BEAN1: variants seen among roughly 807,000 people sequenced by gnomAD.
BEAN1 encodes the protein brain expressed associated with NEDD4 1.
BEAN1 carries 17 observed loss-of-function variants against 17.7 expected under a neutral mutation model. That is an observed-to-expected ratio of 0.96 (90% CI 0.66 to 1.44). The LOEUF (loss-of-function observed/expected upper bound fraction) is 1.44, where lower values mean the gene tolerates loss of function less well. BEAN1 is among the 40% of genes most tolerant of loss of function. The pLI is 0.00. For synonymous variants in BEAN1, 142 were observed against 151.8 expected (o/e 0.94, Z 0.47); for missense variants, 359 against 374.1 (o/e 0.96, Z 0.33).
At chr16:66,486,166 A>G (rs567883882), downstream of BEAN1, among the ~76,000 whole-genome samples, 2 of 152,336 alleles carry the variant, frequency 1.3e-5, no homozygotes, top group South Asian at 2.1e-4. Context: ...AAACTGGCCC[A>G]GACATGTCCT....
Position 66,482,351 on chromosome 16 carries a change from T to C in BEAN1, c.*1426T>C, listed in dbSNP as rs187326326. ...ATGAAGGGCTAAGACTATTTAGTAA[T>C]CTCTTTCTTAAGCAGAGGAGTGGCA... On this transcript the variant is annotated 3_prime_UTR_variant, in exon 5 of 5. Coordinates refer to ENST00000536005, the MANE Select transcript of BEAN1 (RefSeq NM_001178020.3). 26 of 157,550 alleles carry C rather than the reference T, an allele frequency of 1.7e-4. No individual in the cohort carries two copies. Among genetic ancestry groups the C allele is most frequent in the Admixed American group, 7.4e-4 (12 of 16,248 alleles). The allele number at this position is 157,550 out of a possible 1,614,324, so 9.8% of individuals were successfully genotyped here.
intron 2 of BEAN1, among the ~76,000 whole-genome samples, chr16:66,461,748 C>T (rs577885090): frequency 1.3e-5 from 2 of 152,306 alleles, no homozygotes; most frequent in South Asian, 2.1e-4. Flanking sequence ...TCCAGAGCCC[C>T]ATCGGGGACA....
downstream of BEAN1, chr16:66,485,256 C>T: frequency 1.6e-5 from 6 of 376,922 alleles, no homozygotes; most frequent in Non-Finnish European, 3.2e-5. Flanking sequence ...CCCTCAGCTC[C>T]ACCTCCTGTG....
chr16:66,460,697 A>G (rs1288268504), intron 2 of BEAN1, among the ~76,000 whole-genome samples: 1 of 152,228 alleles, frequency 6.6e-6, no homozygotes, highest in Admixed American at 6.5e-5. Flanking sequence ...GAAGCAAAAC[A>G]TCATTTTGGG....
At chr16:66,484,406 T>C (rs1964055820), downstream of BEAN1, 1 of 357,900 alleles carries the variant, frequency 2.8e-6, no homozygotes, top group South Asian at 2.1e-5. The surrounding 1 kb of genome is among the most constrained non-coding windows in gnomAD (Gnocchi z 4.2). Flanking sequence ...TGGCTTTTCC[T>C]GCTCCTCCAT....
exon 5 of BEAN1, chr16:66,493,321 G>A (rs1964203180): frequency 1.4e-6 from 1 of 696,854 alleles, no homozygotes; most frequent in Non-Finnish European, 2.6e-6. Flanking sequence ...CAGAAGGGGT[G>A]GGGTCCGAGA....
Position 66,434,327 on chromosome 16 carries a change from AG to A in BEAN1, c.-82-3266del, listed in dbSNP as rs1338333771. On this transcript the variant is annotated intron_variant, in intron 1 of 4. Coordinates refer to ENST00000536005, the MANE Select transcript of BEAN1 (RefSeq NM_001178020.3). This position sits in a 1 kb window ranked among gnomAD's most constrained non-coding sequence, Gnocchi z 4.3. ...TTCAGTCACATGCGTGCGGGACACC[AG>A]GATGGGCACTTGCTTACCTGGAGCC... Among the ~76,000 whole-genome samples the A allele has an allele frequency of 8.0e-5, 12 of 150,502 alleles. No homozygotes were observed. Among genetic ancestry groups the A allele is most frequent in the Admixed American group, 8.0e-4 (12 of 15,094 alleles).
downstream of BEAN1, chr16:66,484,560 A>T (rs1395801678): frequency 4.4e-6 from 2 of 453,740 alleles, no homozygotes; most frequent in East Asian, 1.4e-4. The surrounding 1 kb of genome is among the most constrained non-coding windows in gnomAD (Gnocchi z 4.2). Flanking sequence ...GCCCAAGGAG[A>T]TGGAAGGTGA....
intron 2 of BEAN1, among the ~76,000 whole-genome samples, chr16:66,441,160 T>TG (rs773325269): frequency 1.3e-5 from 2 of 152,196 alleles, no homozygotes; most frequent in Non-Finnish European, 2.9e-5. Flanking sequence ...CCGTGCTCAG[T>TG]GCCTGGCACA....
intron 4 of BEAN1, among the ~76,000 whole-genome samples, chr16:66,491,734 C>T (rs952407259): frequency 1.3e-5 from 2 of 152,176 alleles, no homozygotes; most frequent in African/African-American, 4.8e-5. Flanking sequence ...AGCACGCAAC[C>T]TAGATCCCTC....
intron 2 of BEAN1, 23 bp downstream of exon 2, chr16:66,437,724 T>C (rs928821856): frequency 1.3e-6 from 2 of 1,532,324 alleles, no homozygotes; most frequent in Non-Finnish European, 1.7e-6. Context: ...CCCACATCCT[T>C]CCACCACTTG....
At chr16:66,468,848 T>C (rs140426987) in intron 2 of BEAN1, among the ~76,000 whole-genome samples, 143 of 152,188 alleles carry the variant, frequency 9.4e-4, no homozygotes, top group Admixed American at 2.7e-3. Flanking sequence ...GAGGACTAAG[T>C]CACCCGTCCC....
At position 66,481,332 on chromosome 16, in the gene BEAN1, C is replaced by A; in HGVS notation, c.*407C>A. On this transcript the variant is annotated 3_prime_UTR_variant, in exon 5 of 5. Coordinates refer to ENST00000536005, the MANE Select transcript of BEAN1 (RefSeq NM_001178020.3). The surrounding 1 kb of genome is among the most constrained non-coding windows in gnomAD (Gnocchi z 4.1). Reference sequence around the variant, plus strand: ...GCCCCTACCCTCGCCCAGCAAGCTGCGCCCAAATTCTATTCTGCCTCTGGA... The same window carrying A: ...GCCCCTACCCTCGCCCAGCAAGCTGAGCCCAAATTCTATTCTGCCTCTGGA... The A allele has an allele frequency of 2.5e-6, 1 of 399,290 alleles. No homozygotes were observed. Among genetic ancestry groups the A allele is most frequent in the Non-Finnish European group, 4.4e-6 (1 of 226,650 alleles). 24.7% of individuals were successfully genotyped at this position (399,290 alleles called of 1,614,324 possible).
At chr16:66,440,536 T>C (rs187324842) in intron 2 of BEAN1, among the ~76,000 whole-genome samples, 1 of 152,146 alleles carries the variant, frequency 6.6e-6, no homozygotes, top group Non-Finnish European at 1.5e-5. Context: ...TGACCTTCCA[T>C]TCGTGGTCTC....
In BEAN1 at chr16:66,469,937, G is replaced by A. The variant is rs1190027692; in HGVS notation, c.289+72G>A. 3 of 1,492,802 alleles carry A rather than the reference G, an allele frequency of 2.0e-6. No homozygotes were observed. The African/African-American group carries it at 4.2e-5, about 21-fold the overall frequency. The allele number at this position is 1,492,802 out of a possible 1,614,324, so 92.5% of individuals were successfully genotyped here. A position where few individuals can be genotyped will look rare whatever the true frequency, so the allele number is the denominator to read the frequency against. On this transcript the variant is annotated intron_variant, in intron 3 of 4. Transcript: ENST00000536005. ...ATTGCAACACAGGAGGCATCAAGGA[G>A]TTGGCAACTCTGCCCTGGGTGGAGC... is the stretch of plus-strand genomic sequence containing the variant.
At chr16:66,452,805 A>C (rs1380955704) in intron 2 of BEAN1, among the ~76,000 whole-genome samples, 3 of 152,160 alleles carry the variant, frequency 2.0e-5, no homozygotes, top group Middle Eastern at 3.2e-3. Context: ...CCAATGCCCA[A>C]CTGTACGGCC....
At chr16:66,464,311 GT>G (rs1481990914) in intron 2 of BEAN1, among the ~76,000 whole-genome samples, 1 of 151,688 alleles carries the variant, frequency 6.6e-6, no homozygotes, top group Non-Finnish European at 1.5e-5. Context: ...TTTTGAAAAT[GT>G]TTTGGAGTTT....
intron 1 of BEAN1, among the ~76,000 whole-genome samples, chr16:66,436,971 C>T (rs1469358587): frequency 6.6e-6 from 1 of 152,142 alleles, no homozygotes; most frequent in Non-Finnish European, 1.5e-5. Flanking sequence ...TGGAGTCAAA[C>T]TGATCTGGAC....
chr16:66,466,784 G>A (rs760558556), intron 2 of BEAN1, among the ~76,000 whole-genome samples: 1 of 152,098 alleles, frequency 6.6e-6, no homozygotes, highest in Admixed American at 6.6e-5. Flanking sequence ...GGTCAGGCGG[G>A]TCTCAACCTC....
Sources: allele counts gnomAD v4.1 joint callset (sites outside exome capture counted in the v4.1 genomes callset), GRCh38; gene constraint gnomAD v4.1.1; non-coding constraint Gnocchi (gnomAD v3.1); transcripts MANE v1.5; gene names NCBI Gene and HGNC (gene_info 2026-07-23, HGNC 2026-07-21).